The following NLRP4 variants were observed in gnomAD, a reference collection of about 807,000 sequenced individuals.
NLRP4 encodes NLR family pyrin domain containing 4, also known as NACHT, LRR and PYD domains-containing protein 4.
Under a neutral mutation model 84.7 loss-of-function variants are expected in NLRP4, and 44 were observed. The observed-to-expected ratio is 0.52, with a 90% CI of 0.41 to 0.67. The LOEUF (loss-of-function observed/expected upper bound fraction) is 0.67, where lower values mean the gene tolerates loss of function less well. Ranked by LOEUF, NLRP4 falls within the 30% of genes least tolerant of loss-of-function variation. The pLI is 0.00. For missense variants in NLRP4, 1,260 were observed against 1,219.4 expected (o/e 1.03, Z -0.50); for synonymous variants, 544 against 476.4 (o/e 1.14, Z -1.85).
Position 55,854,004 on chromosome 19 carries a change from CTG to C in NLRP4, c.280+1646_280+1647del, listed in dbSNP as rs1984311245. Among the ~76,000 whole-genome samples, 5 of 151,550 alleles carry C rather than the reference CTG, an allele frequency of 3.3e-5. No homozygotes were observed. In the South Asian group the frequency reaches 1.0e-3, roughly 32 times the overall value. ...TTCTTCTTTGATACAGAGTCACGCT[CTG>C]TCGCCCAGGCTGGAGTGCAGTGGTG... On this transcript the variant is annotated intron_variant, in intron 2 of 9. Transcript: ENST00000301295.
chr19:55,881,496 A>G lies in NLRP4; in HGVS notation c.2894A>G (p.Glu965Gly). Reference sequence around the variant, plus strand: ...CTGAGAAAAACTGATTTTGATGAGGAAACCCAGGCACTTCTGACGGCTGAG... The same window carrying G: ...CTGAGAAAAACTGATTTTGATGAGGGAACCCAGGCACTTCTGACGGCTGAG... ...LGLRKTDFDE[E>G]TQALLTAEEE... The change falls in exon 10 of 10, where the codon GAA becomes GGA. Residue 965 changes from glutamate (E) to glycine (G), a missense_variant. By Grantham distance (98) the Glu-to-Gly change is moderately conservative (BLOSUM62 -2). Coordinates refer to ENST00000301295, the MANE Select transcript of NLRP4 (RefSeq NM_134444.5). The G allele has an allele frequency of 6.2e-7, 1 of 1,603,248 alleles. No homozygotes were observed. Among genetic ancestry groups the G allele is most frequent in the Non-Finnish European group, 8.5e-7 (1 of 1,170,604 alleles).
intron 7 of NLRP4, among the ~76,000 whole-genome samples, chr19:55,871,420 C>T (rs181109772): frequency 6.6e-6 from 1 of 152,130 alleles, no homozygotes; most frequent in African/African-American, 2.4e-5. Flanking sequence ...ATGTGTGTAA[C>T]AGAGAATGCT....
chr19:55,863,784 G>A (rs73622474), intron 5 of NLRP4, among the ~76,000 whole-genome samples: 2,705 of 152,262 alleles, frequency 0.018, 80 homozygotes, highest in African/African-American at 0.062. Flanking sequence ...ATGACAGTGC[G>A]TTGGCTGGCA....
Position 55,858,194 on chromosome 19 carries a change from G to A in NLRP4, c.801G>A (p.Lys267=). The A allele has an allele frequency of 6.2e-7, 1 of 1,614,180 alleles. No individual in the cohort carries two copies. Among genetic ancestry groups the A allele is most frequent in the Non-Finnish European group, 8.5e-7 (1 of 1,180,024 alleles). Reference sequence around the variant, plus strand: ...TGCTTCTGAGCAGTTTGCTGAGGAAGAAGATGCTCCCGGAGGCCTCCCTGC... The same window carrying A: ...TGCTTCTGAGCAGTTTGCTGAGGAAAAAGATGCTCCCGGAGGCCTCCCTGC... ...VQVLLSSLLR[K]KMLPEASLLI... is the part of the protein sequence containing the mutation. The change falls in exon 3 of 10, where the codon AAG becomes AAA. Residue 267 remains lysine, a synonymous_variant. Coordinates refer to ENST00000301295, the MANE Select transcript of NLRP4 (RefSeq NM_134444.5). The surrounding 1 kb of genome is among the most constrained non-coding windows in gnomAD (Gnocchi z 4.2).
At chr19:55,859,420 T>G (rs1984628843) in intron 3 of NLRP4, among the ~76,000 whole-genome samples, 171 bp downstream of exon 3, 1 of 152,212 alleles carries the variant, frequency 6.6e-6, no homozygotes, top group Admixed American at 6.5e-5. Context: ...AGACTTTGTC[T>G]GTGAGCCTTG....
At chr19:55,850,218 C>T (rs1984022691) in intron 1 of NLRP4, among the ~76,000 whole-genome samples, 1 of 143,966 alleles carries the variant, frequency 6.9e-6, no homozygotes, top group Non-Finnish European at 1.5e-5. Flanking sequence ...TCCGTGGCTG[C>T]GGTGTAATTT....
chr19:55,869,624 C>A (rs1450592262), intron 6 of NLRP4, among the ~76,000 whole-genome samples: 3 of 152,112 alleles, frequency 2.0e-5, no homozygotes, highest in Admixed American at 6.5e-5. Context: ...TACAATTTTA[C>A]TGATGGTTAT....
chr19:55,876,311 G>T (rs302449), intron 7 of NLRP4, among the ~76,000 whole-genome samples: 140,916 of 152,210 alleles, frequency 0.93, 65,440 homozygotes, highest in East Asian at 1. Context: ...CCCCTGAGGA[G>T]TCCAAAATCT....
At chr19:55,876,657 C>CTGGCCTATA (rs1405175667) in intron 7 of NLRP4, among the ~76,000 whole-genome samples, 2 of 152,170 alleles carry the variant, frequency 1.3e-5, no homozygotes, top group African/African-American at 4.8e-5. Context: ...GCCACCGCAT[C>CTGGCCTATA]TGGCCTATAT....
chr19:55,856,378 A>G (rs950639717), intron 2 of NLRP4, among the ~76,000 whole-genome samples: 10 of 152,148 alleles, frequency 6.6e-5, no homozygotes, highest in African/African-American at 2.2e-4. Flanking sequence ...AAACAGGCAG[A>G]AGATAGACTC....
At chr19:55,877,620 G>A (rs772907364) in intron 8 of NLRP4, among the ~76,000 whole-genome samples, 2 of 152,102 alleles carry the variant, frequency 1.3e-5, no homozygotes, top group Admixed American at 6.6e-5. Context: ...ATCACTTCAC[G>A]GTTATGGAGG....
At chr19:55,861,079 T>A (rs1166491189) in intron 3 of NLRP4, among the ~76,000 whole-genome samples, 1 of 152,170 alleles carries the variant, frequency 6.6e-6, no homozygotes, top group African/African-American at 2.4e-5. Flanking sequence ...GGCTCTCCTG[T>A]GCATTGTAGG....
At chr19:55,844,794 CTT>C (rs1470180077) in intron 1 of NLRP4, among the ~76,000 whole-genome samples, 1 of 152,102 alleles carries the variant, frequency 6.6e-6, no homozygotes, top group Non-Finnish European at 1.5e-5. Flanking sequence ...CAGCATGTAA[CTT>C]TTGCAGGGGG....
At position 55,847,571 on chromosome 19, in the gene NLRP4, G is replaced by T. The variant is rs186094557; in HGVS notation, c.-65-4445G>T. ...CAGAAAAGTTTGCAAAAATAGTGCA[G>T]AGAGTTCCCATAAATCCTGTGCCAC... On this transcript the variant is annotated intron_variant, in intron 1 of 9. Transcript: ENST00000301295. Among the ~76,000 whole-genome samples the T allele has an allele frequency of 1.3e-3, 203 of 152,292 alleles. 1 individual carries two copies. Among genetic ancestry groups the T allele is most frequent in the African/African-American group, 4.7e-3 (195 of 41,568 alleles).
rs1254672431 is a variant in NLRP4, at chr19:55,852,176, A to C, written c.96A>C (p.Gln32His). The change falls in exon 2 of 10, where the codon CAA (glutamine) becomes CAC (histidine). Residue 32 changes from glutamine (Q) to histidine (H), a missense_variant. Physicochemically the swap from Gln to His is conservative, Grantham distance 24. This residue lies in a region of NLRP4 where 712 missense variants were observed against 669.2 expected (regional missense o/e 1.06). Transcript: ENST00000301295. ...GGAAATTTAAAGAACATCTCAAGCA[A>C]ATGACTTTGCAGCTTGAACTCAAGC... ...EFRKFKEHLK[Q>H]MTLQLELKQI... The C allele has an allele frequency of 3.7e-6, 6 of 1,609,408 alleles. No individual in the cohort carries two copies. Among genetic ancestry groups the C allele is most frequent in the Non-Finnish European group, 5.1e-6 (6 of 1,178,624 alleles).
intron 1 of NLRP4, among the ~76,000 whole-genome samples, chr19:55,850,050 C>CAAAAATGTAAA (rs1983998030): frequency 7.2e-6 from 1 of 139,232 alleles, no homozygotes; most frequent in Non-Finnish European, 1.5e-5. Context: ...GTGTGATTTC[C>CAAAAATGTAAA]GTAGCTGCGG....
chr19:55,873,248 A>G (rs762007037), intron 7 of NLRP4, among the ~76,000 whole-genome samples: 12 of 152,178 alleles, frequency 7.9e-5, no homozygotes, highest in Non-Finnish European at 1.6e-4. Flanking sequence ...TGGATTGTGT[A>G]TAAAAATAAT....
intron 8 of NLRP4, among the ~76,000 whole-genome samples, chr19:55,878,550 ACT>A (rs1242433854): frequency 1.3e-5 from 2 of 152,236 alleles, no homozygotes; most frequent in Non-Finnish European, 2.9e-5. Context: ...CCGGAAATAG[ACT>A]CTGTTAGTGG....
At chr19:55,871,020 G>T in intron 7 of NLRP4, 23 bp downstream of exon 7, 1 of 1,610,256 alleles carries the variant, frequency 6.2e-7, no homozygotes, top group South Asian at 1.1e-5. Context: ...CTGTTTCTTT[G>T]AAGACCAAGC....
Sources: gnomAD v4.1 joint callset for allele counts (sites outside exome capture counted in the v4.1 genomes callset) on GRCh38, gnomAD v4.1.1 for gene constraint, gnomAD v4.1.1 regional missense constraint, Gnocchi (gnomAD v3.1) non-coding constraint, MANE v1.5 for transcripts, NCBI Gene and HGNC (gene_info 2026-07-23, HGNC 2026-07-21) for gene names.